The following TYRO3 variants were observed in gnomAD, a reference collection of about 807,000 sequenced individuals.
TYRO3 encodes tyrosine-protein kinase receptor TYRO3.
In TYRO3, 38 loss-of-function variants were observed where a neutral mutation model predicts 95.2. The ratio of observed to expected loss-of-function variants is 0.40; its 90% CI spans 0.31 to 0.52. The LOEUF (loss-of-function observed/expected upper bound fraction) is 0.52, where lower values mean the gene tolerates loss of function less well. Ranked by LOEUF, TYRO3 falls within the 20% of genes least tolerant of loss-of-function variation. TYRO3 has a pLI of 0.56. For synonymous variants in TYRO3, 367 were observed against 432.9 expected (o/e 0.85, Z 1.89); for missense variants, 812 against 1,116.4 (o/e 0.73, Z 3.89).
rs2055823227 is a variant in TYRO3 at position 41,573,402 on chromosome 15, C to G, written c.2080C>G (p.Leu694Val). The G allele has an allele frequency of 6.2e-7, 1 of 1,614,254 alleles. No homozygotes were observed. The highest frequency in any genetic ancestry group is 2.2e-5 in the East Asian group (1 of 44,888). The stretch of plus-strand genomic sequence containing the variant: ...CTATCGTCAAGGCTGTGCCTCCAAA[C>G]TGCCTGTCAAGTGGCTGGCCCTGGA... ...DYYRQGCASK[L>V]PVKWLALESL... The change falls in exon 17 of 19, where the codon CTG (leucine) becomes GTG (valine). Residue 694 changes from leucine (L) to valine (V), a missense_variant. Leu to Val is a conservative substitution (Grantham distance 32, BLOSUM62 1). Coordinates refer to ENST00000263798, the MANE Select transcript of TYRO3 (RefSeq NM_006293.4).
chr15:41,572,556 A>G lies in TYRO3; in HGVS notation c.1867A>G (p.Asn623Asp), dbSNP rs374825675. The G allele has an allele frequency of 9.3e-6, 15 of 1,613,996 alleles. No homozygotes were observed. Among genetic ancestry groups the G allele is most frequent in the Non-Finnish European group, 1.3e-5 (15 of 1,180,036 alleles). The change falls in exon 15 of 19, where the codon AAC becomes GAC. Residue 623 changes from asparagine to aspartate, a missense_variant. Physicochemically the swap from Asn to Asp is conservative, Grantham distance 23. Transcript: ENST00000263798. ...CCTGCTCGCCTCCCGGATTGGGGAG[A>G]ACCCCTTTGTGAGTACCTGGTGTGG... ...AFLLASRIGENPFNLPLQTLI... is the reference protein window; with the variant it reads ...AFLLASRIGEDPFNLPLQTLI...
intron 15 of TYRO3, 126 bp from the exon 16 acceptor site, chr15:41,572,876 C>G (rs1208933873): frequency 1.2e-6 from 1 of 817,226 alleles, no homozygotes; most frequent in Non-Finnish European, 1.9e-6. Flanking sequence ...GGAAGGCCCT[C>G]CATCCCCTTC....
At chr15:41,577,253 C>A (rs1158027280) in intron 18 of TYRO3, 1 of 152,102 alleles carries the variant, frequency 6.6e-6, no homozygotes, top group Non-Finnish European at 1.5e-5. Context: ...AGTTTGAGAC[C>A]AGCCTGAGCA....
intron 18 of TYRO3, chr15:41,574,545 A>G (rs918192397): frequency 3.8e-5 from 16 of 422,872 alleles, no homozygotes; most frequent in African/African-American, 3.3e-4. Flanking sequence ...AACATGGCCA[A>G]CGTCACAGAG....
Position 41,571,021 on chromosome 15 carries a change from C to T in TYRO3, c.1580-17C>T. On this transcript the variant is annotated splice_polypyrimidine_tract_variant and intron_variant, in intron 12 of 18. Transcript: ENST00000263798. ...AGAGAGCCAAGGAGACTCTCCCTTA[C>T]TTGGATTGGTTCCTAGGAGAGTTTG... 1 of 1,613,344 alleles carries T rather than the reference C, an allele frequency of 6.2e-7. No individual in the cohort carries two copies.
Position 41,568,086 on chromosome 15 carries a change from G to C in TYRO3, c.962-131G>C, listed in dbSNP as rs572134557. 3 of 1,242,334 alleles carry C rather than the reference G, an allele frequency of 2.4e-6. No homozygotes were observed. In the African/African-American group the frequency reaches 4.5e-5, roughly 19 times the overall value. 77.0% of individuals were successfully genotyped at this position (1,242,334 alleles called of 1,614,324 possible). A position where few individuals can be genotyped will look rare whatever the true frequency, so the allele number is the denominator to read the frequency against. The stretch of plus-strand genomic sequence containing the variant: ...CAGTGGGTGAGAGCAGTCAGAGCTG[G>C]GAGGTGAACCCTTCCCCAGTTTGTG... On this transcript the variant is annotated intron_variant, in intron 7 of 18. Transcript: ENST00000263798.
intron 7 of TYRO3, among the ~76,000 whole-genome samples, chr15:41,567,780 C>T (rs912288851): frequency 1.3e-5 from 2 of 152,102 alleles, no homozygotes; most frequent in Non-Finnish European, 2.9e-5. Context: ...GGAAACCCCC[C>T]CTAAAAAGGT....
intron 18 of TYRO3, among the ~76,000 whole-genome samples, chr15:41,574,449 A>C (rs1323657186): frequency 6.6e-6 from 1 of 152,206 alleles, no homozygotes; most frequent in African/African-American, 2.4e-5. Context: ...GCATTCTTTC[A>C]GGTAATCTTC....
chr15:41,560,428 T>TGTGTGTGTGTGCGCGCGCGC (rs1408766845), intron 1 of TYRO3, among the ~76,000 whole-genome samples: 1 of 135,256 alleles, frequency 7.4e-6, no homozygotes, highest in Non-Finnish European at 1.6e-5. Context: ...TGTGTGTGTG[T>TGTGTGTGTGTGCGCGCGCGC]GCGCGCGCGC....
chr15:41,571,091 G>A lies in TYRO3; in HGVS notation c.1633G>A (p.Val545Met). The change falls in exon 13 of 19, where the codon GTG (valine) becomes ATG (methionine). Residue 545 changes from valine (V) to methionine (M), a missense_variant. Transcript: ENST00000263798. ...AQLKQEDGSF[V>M]KVAVKMLKAD... Reference sequence around the variant, plus strand: ...GCTGAAGCAAGAGGATGGCTCCTTTGTGAAAGTGGCTGTGAAGATGCTGAA... The same window carrying A: ...GCTGAAGCAAGAGGATGGCTCCTTTATGAAAGTGGCTGTGAAGATGCTGAA... 1 of 1,614,092 alleles carries A rather than the reference G, an allele frequency of 6.2e-7. No homozygotes were observed. The highest frequency in any genetic ancestry group is 8.5e-7 in the Non-Finnish European group (1 of 1,179,996).
chr15:41,565,033 T>C lies in TYRO3; in HGVS notation c.675T>C (p.Pro225=), dbSNP rs1302085022. The C allele has an allele frequency of 5.6e-6, 9 of 1,611,094 alleles. No individual in the cohort carries two copies. Among genetic ancestry groups the C allele is most frequent in the Non-Finnish European group, 7.6e-6 (9 of 1,179,558 alleles). ...CTGAGTCCCCGTCCACAGCACTGCCTGCAGCCCCCTTCAACATCACCGTGA... is the reference window on the plus strand; with the variant it reads ...CTGAGTCCCCGTCCACAGCACTGCCCGCAGCCCCCTTCAACATCACCGTGA... ...RTATVHLQAL[P]AAPFNITVTK... Residue 225 remains proline, a synonymous_variant, in exon 6 of 19, where the codon CCT becomes CCC. Coordinates refer to ENST00000263798, the MANE Select transcript of TYRO3 (RefSeq NM_006293.4).
At chr15:41,572,881 C>G in intron 15 of TYRO3, 121 bp from the exon 16 acceptor site, 2 of 833,834 alleles carry the variant, frequency 2.4e-6, no homozygotes, top group Non-Finnish European at 3.8e-6. Flanking sequence ...GCCCTCCATC[C>G]CCTTCCTTCC....
chr15:41,572,197 G>GA (rs1161854472), intron 14 of TYRO3, among the ~76,000 whole-genome samples: 1 of 152,032 alleles, frequency 6.6e-6, no homozygotes, highest in African/African-American at 2.4e-5. Flanking sequence ...TACTGTTTCA[G>GA]AAAAAACAAA....
chr15:41,561,527 C>T lies in TYRO3; in HGVS notation c.309-12C>T. The T allele has an allele frequency of 1.3e-6, 2 of 1,568,090 alleles. No individual in the cohort carries two copies. The highest frequency in any genetic ancestry group is 1.7e-6 in the Non-Finnish European group (2 of 1,157,090). On this transcript the variant is annotated splice_polypyrimidine_tract_variant and intron_variant, in intron 2 of 18. Transcript: ENST00000263798. ...TGCCCTCGGAAGCAAGCCTCGTATC[C>T]TGTTTCCACAGCCTGAAGTCAGTGG...
chr15:41,574,428 TG>T (rs1416227718), intron 18 of TYRO3, among the ~76,000 whole-genome samples: 1 of 152,242 alleles, frequency 6.6e-6, no homozygotes, highest in Admixed American at 6.5e-5. Context: ...TGACATTAGC[TG>T]GGCATTTAGG....
At position 41,564,245 on chromosome 15, in the gene TYRO3, T is replaced by G; in HGVS notation, c.642T>G (p.Ser214=). Residue 214 remains serine (S), a synonymous_variant, in exon 5 of 19, where the codon TCT becomes TCG. Transcript: ENST00000263798. ...ACAACCTAAAAGGCCTGGCCTCTTC[T>G]CGCACAGCCACTGTTCACCTTCAAG... is the stretch of plus-strand genomic sequence containing the variant. ...EAHNLKGLAS[S]RTATVHLQAL... 6.2e-7 allele frequency: 1 copy of G among 1,614,082 alleles called. No individual in the cohort carries two copies. The highest frequency in any genetic ancestry group is 1.7e-5 in the Admixed American group (1 of 60,026).
At position 41,578,079 on chromosome 15, in the gene TYRO3, C is replaced by A. The variant is rs1295544569; in HGVS notation, c.2476C>A (p.Gln826Lys). Residue 826 changes from glutamine (Q) to lysine (K), a missense_variant, in exon 19 of 19, where the codon CAG (glutamine) becomes AAG (lysine). By Grantham distance (53) the Gln-to-Lys change is moderately conservative. Transcript: ENST00000263798. ...GGSLELPGRD[Q>K]PYSGAGDGSG... ...CAGCCTGGAGCTACCTGGCAGGGATCAGCCCTACAGTGGGGCTGGGGATGG... is the reference window on the plus strand; with the variant it reads ...CAGCCTGGAGCTACCTGGCAGGGATAAGCCCTACAGTGGGGCTGGGGATGG... 3.1e-6 allele frequency: 5 copies of A among 1,613,950 alleles called. No homozygotes were observed. Among genetic ancestry groups the A allele is most frequent in the African/African-American group, 2.7e-5 (2 of 74,934 alleles).
In TYRO3 at chr15:41,573,810, G is replaced by T. The variant is rs1323346870; in HGVS notation, c.2277G>T (p.Glu759Asp). Residue 759 changes from glutamate (E) to aspartate (D), a missense_variant, in exon 18 of 19, where the codon GAG becomes GAT. Transcript: ENST00000263798. ...NRLKQPPECM[E>D]DVYDLMYQCW... ...TGAAACAGCCTCCGGAGTGTATGGA[G>T]GACGTGTGAGTATCCTGGGAAGGGG... 6.2e-7 allele frequency: 1 copy of T among 1,614,044 alleles called. No individual in the cohort carries two copies. The highest frequency in any genetic ancestry group is 1.1e-5 in the South Asian group (1 of 91,040).
chr15:41,560,056 A>G (rs2055625723), intron 1 of TYRO3, among the ~76,000 whole-genome samples: 1 of 152,128 alleles, frequency 6.6e-6, no homozygotes, highest in South Asian at 2.1e-4. Flanking sequence ...TGATGGGCAT[A>G]TAGGGAGCGG....
Sources: gnomAD v4.1 joint callset for allele counts (sites outside exome capture counted in the v4.1 genomes callset) on GRCh38, gnomAD v4.1.1 for gene constraint, MANE v1.5 for transcripts, NCBI Gene and HGNC (gene_info 2026-07-23, HGNC 2026-07-21) for gene names.